Variants in DPY19L3 observed in about 807,000 individuals in gnomAD.
DPY19L3 encodes the protein dpy-19 like C-mannosyltransferase 3, also known as protein C-mannosyl-transferase DPY19L3.
A neutral mutation model predicts 92.3 loss-of-function variants in DPY19L3; 51 were observed. The ratio of observed to expected loss-of-function variants is 0.55; its 90% CI spans 0.44 to 0.70. The LOEUF (loss-of-function observed/expected upper bound fraction) is 0.70. Among genes scored for constraint, DPY19L3 ranks in the 30% least tolerant of loss-of-function variants. The pLI, the probability that DPY19L3 is intolerant of heterozygous loss-of-function variation, is 0.00. For synonymous variants in DPY19L3, 309 were observed against 315.2 expected (o/e 0.98, Z 0.21); for missense variants, 706 against 855.9 (o/e 0.82, Z 2.18).
In DPY19L3 at chr19:32,439,916, C is replaced by G. The variant is rs1275735461; in HGVS notation, c.855+6C>G. 6.2e-7 allele frequency: 1 copy of G among 1,610,512 alleles called. No homozygotes were observed. The highest frequency in any genetic ancestry group is 8.5e-7 in the Non-Finnish European group (1 of 1,178,950). On this transcript the variant is annotated splice_donor_region_variant and intron_variant, in intron 8 of 18. Coordinates refer to ENST00000392250, the MANE Select transcript of DPY19L3 (RefSeq NM_001172774.2). ...ACATGCTGCCAGCAGTGAAGGTGAG[C>G]TTTGCTTTCTTTTCTCACTTGAGAT...
At chr19:32,417,443 C>G (rs1360654635) in intron 3 of DPY19L3, among the ~76,000 whole-genome samples, 1 of 152,238 alleles carries the variant, frequency 6.6e-6, no homozygotes, top group Non-Finnish European at 1.5e-5. Flanking sequence ...CCTCAGCCAC[C>G]TGAGTAGCTG....
At chr19:32,456,500 G>A (rs1176002571) in intron 10 of DPY19L3, among the ~76,000 whole-genome samples, 3 of 151,536 alleles carry the variant, frequency 2.0e-5, no homozygotes, top group East Asian at 1.9e-4. Flanking sequence ...ACAGTGGCAC[G>A]ATCTTGGCTC....
rs776558527 is a variant in DPY19L3, at chr19:32,453,189, C to A, written c.900C>A (p.Val300=). ...YGIQITSLLL[V]CILQFFNSMI... ...TACAGATAACAAGTTTACTCCTGGT[C>A]TGCATTCTTCAGTTTTTTAATTCCA... The change falls in exon 9 of 19, where the codon GTC becomes GTA. Residue 300 remains valine (V), a synonymous_variant. Coordinates refer to ENST00000392250, the MANE Select transcript of DPY19L3 (RefSeq NM_001172774.2). 2 of 1,614,078 alleles carry A rather than the reference C, an allele frequency of 1.2e-6. No individual in the cohort carries two copies. Among genetic ancestry groups the A allele is most frequent in the East Asian group, 2.2e-5 (1 of 44,876 alleles).
rs1318332900 is a variant in DPY19L3 at position 32,405,820 on chromosome 19, C to G, written c.-127C>G. On this transcript the variant is annotated 5_prime_UTR_variant, in exon 1 of 19. Transcript: ENST00000392250. ...CTGCCCTCCTTGTACCCGCGGCGCG[C>G]TGCGGCCCGTGGCGCGGCCCCGTTC... 5 of 152,182 alleles carry G rather than the reference C, an allele frequency of 3.3e-5. No individual in the cohort carries two copies. The highest frequency in any genetic ancestry group is 9.7e-5 in the African/African-American group (4 of 41,414). The allele number at this position is 152,182 out of a possible 1,614,324, so 9.4% of individuals were successfully genotyped here. A position where few individuals can be genotyped will look rare whatever the true frequency, so the allele number is the denominator to read the frequency against.
rs1970708001 is a variant in DPY19L3, at chr19:32,482,611, T to TC, written c.*371_*372insC. Reference sequence around the variant, plus strand: ...AAATACGTTTAATTTTCAGGTGACTTAAGACAGCTATGATTGAATCAACTA... The same window carrying TC: ...AAATACGTTTAATTTTCAGGTGACTTCAAGACAGCTATGATTGAATCAACTA... On this transcript the variant is annotated 3_prime_UTR_variant, in exon 19 of 19. Coordinates refer to ENST00000392250, the MANE Select transcript of DPY19L3 (RefSeq NM_001172774.2). 1 of 172,966 alleles carries TC rather than the reference T, an allele frequency of 5.8e-6. No homozygotes were observed. Among genetic ancestry groups the TC allele is most frequent in the Admixed American group, 6.1e-5 (1 of 16,500 alleles). The allele number at this position is 172,966 out of a possible 1,614,324, so 10.7% of individuals were successfully genotyped here.
intron 1 of DPY19L3, among the ~76,000 whole-genome samples, chr19:32,406,571 C>G (rs779436114): frequency 6.6e-6 from 1 of 152,042 alleles, no homozygotes; most frequent in African/African-American, 2.4e-5. Context: ...AGGCTGGTCT[C>G]AAACTCATGG....
chr19:32,437,431 CATTT>C (rs1969179202), intron 6 of DPY19L3, 92 bp downstream of exon 6: 6 of 1,448,678 alleles, frequency 4.1e-6, no homozygotes, highest in Non-Finnish European at 5.6e-6. Flanking sequence ...TCTTCTGCCA[CATTT>C]GTTTGGTTGG....
At chr19:32,415,956 A>G (rs1170876283) in intron 3 of DPY19L3, among the ~76,000 whole-genome samples, 1 of 152,222 alleles carries the variant, frequency 6.6e-6, no homozygotes, top group Admixed American at 6.5e-5. Context: ...CCTACATGAT[A>G]TTATAGAAGG....
intron 3 of DPY19L3, among the ~76,000 whole-genome samples, chr19:32,423,733 G>T (rs1211927519): frequency 6.6e-6 from 1 of 152,194 alleles, no homozygotes; most frequent in African/African-American, 2.4e-5. Flanking sequence ...GGTGGAGGCT[G>T]ACTGGGCACA....
At chr19:32,472,069 C>T (rs1970374506) in intron 16 of DPY19L3, among the ~76,000 whole-genome samples, 1 of 152,168 alleles carries the variant, frequency 6.6e-6, no homozygotes, top group African/African-American at 2.4e-5. Context: ...CACAATTGCC[C>T]TCATTCTTTT....
At chr19:32,454,174 A>T (rs1352895144) in intron 9 of DPY19L3, among the ~76,000 whole-genome samples, 1 of 152,224 alleles carries the variant, frequency 6.6e-6, no homozygotes, top group Non-Finnish European at 1.5e-5. Context: ...CAAGATTATA[A>T]GAAAACTATT....
intron 16 of DPY19L3, among the ~76,000 whole-genome samples, chr19:32,475,476 C>G (rs1970478557): frequency 6.6e-6 from 1 of 152,190 alleles, no homozygotes; most frequent in Admixed American, 6.5e-5. Context: ...GTCAAGTTAT[C>G]GTATCGTTGA....
chr19:32,454,977 G>GAA lies in DPY19L3; in HGVS notation c.1028_1029dup (p.Leu344AsnfsTer12). ...CTGGAAGCTTCCTTAATAGGCTTGG[G>GAA]AAACTTTTGTTACATTTATTTATGG... is the stretch of plus-strand genomic sequence containing the variant. On this transcript the variant is annotated frameshift_variant, in exon 10 of 19. Coordinates refer to ENST00000392250, the MANE Select transcript of DPY19L3 (RefSeq NM_001172774.2). LOFTEE classifies it high-confidence loss of function. The GAA allele has an allele frequency of 6.4e-7, 1 of 1,573,516 alleles. No individual in the cohort carries two copies. The highest frequency in any genetic ancestry group is 8.6e-7 in the Non-Finnish European group (1 of 1,168,690).
intron 3 of DPY19L3, among the ~76,000 whole-genome samples, chr19:32,414,320 C>T (rs2145408253): frequency 6.6e-6 from 1 of 151,990 alleles, no homozygotes; most frequent in Non-Finnish European, 1.5e-5. Context: ...ACTCGGGAGG[C>T]TGAGGCAAGA....
At chr19:32,437,156 C>A in intron 5 of DPY19L3, 38 bp from the exon 6 acceptor site, 1 of 1,611,804 alleles carries the variant, frequency 6.2e-7, no homozygotes. Context: ...AGGGTTAGGG[C>A]TCACCTGACA....
intron 8 of DPY19L3, among the ~76,000 whole-genome samples, chr19:32,452,259 A>G (rs1052979502): frequency 6.6e-6 from 1 of 152,186 alleles, no homozygotes. Flanking sequence ...CAGAATCGGA[A>G]CTGCAGTACA....
chr19:32,475,004 G>A (rs1970463761), intron 16 of DPY19L3, among the ~76,000 whole-genome samples: 1 of 152,196 alleles, frequency 6.6e-6, no homozygotes, highest in Non-Finnish European at 1.5e-5. Flanking sequence ...GGGCAGTTTA[G>A]GACTTTGGGC....
chr19:32,481,643 T>A (rs1433714188), intron 18 of DPY19L3: 1 of 153,878 alleles, frequency 6.5e-6, no homozygotes, highest in Middle Eastern at 3.1e-3. Flanking sequence ...CTCAGACTCC[T>A]GATCCAAGCG....
intron 15 of DPY19L3, chr19:32,467,387 C>T: frequency 1.0e-6 from 1 of 971,390 alleles, no homozygotes; most frequent in Non-Finnish European, 1.2e-6. Context: ...TATTGGTTAT[C>T]AAATTAGTAA....
Sources: allele counts gnomAD v4.1 joint callset (sites outside exome capture counted in the v4.1 genomes callset), GRCh38; gene constraint gnomAD v4.1.1; transcripts MANE v1.5; gene names NCBI Gene and HGNC (gene_info 2026-07-23, HGNC 2026-07-21).